Variants in MB21D2 observed in about 807,000 individuals in gnomAD.
The protein encoded by MB21D2 is nucleotidyltransferase MB21D2.
A neutral mutation model predicts 33.3 loss-of-function variants in MB21D2; 9 were observed. The observed-to-expected ratio is 0.27, with a 90% CI of 0.16 to 0.47. The LOEUF (loss-of-function observed/expected upper bound fraction) is 0.47, where lower values mean the gene tolerates loss of function less well. MB21D2 is among the 20% of genes least tolerant of loss of function. MB21D2 has a pLI of 0.99. For synonymous variants in MB21D2, 241 were observed against 236.3 expected, an observed-to-expected ratio of 1.02 and a Z score of -0.18; for missense variants, 540 against 624.6, an observed-to-expected ratio of 0.86 and a Z score of 1.44.
chr3:192,838,459 C>T (rs1712493393), intron 1 of MB21D2, among the ~76,000 whole-genome samples: 1 of 145,122 alleles, frequency 6.9e-6, no homozygotes, highest in Admixed American at 6.9e-5. Context: ...GATGGAGTCT[C>T]GCTCTGTCAC....
At chr3:192,844,375 T>C (rs992721327) in intron 1 of MB21D2, among the ~76,000 whole-genome samples, 10 of 152,218 alleles carry the variant, frequency 6.6e-5, no homozygotes, top group African/African-American at 2.2e-4. Flanking sequence ...TGTCATGAGA[T>C]GGATGCTCCC....
intron 1 of MB21D2, among the ~76,000 whole-genome samples, chr3:192,812,617 C>T (rs913526844): frequency 6.6e-6 from 1 of 152,146 alleles, no homozygotes; most frequent in African/African-American, 2.4e-5. Context: ...GCAAGGGACT[C>T]ATATCACATT....
At chr3:192,814,154 G>A (rs374582379) in intron 1 of MB21D2, among the ~76,000 whole-genome samples, 1 of 152,096 alleles carries the variant, frequency 6.6e-6, no homozygotes, top group East Asian at 1.9e-4. Context: ...GAAAAATAAT[G>A]ATATGTTAAT....
At chr3:192,825,978 G>T (rs968324346) in intron 1 of MB21D2, among the ~76,000 whole-genome samples, 1 of 152,172 alleles carries the variant, frequency 6.6e-6, no homozygotes, top group African/African-American at 2.4e-5. Context: ...CCTACACAAG[G>T]GGAATGTGGT....
At position 192,798,157 on chromosome 3, in the gene MB21D2, A is replaced by T; in HGVS notation, c.*229T>A. On this transcript the variant is annotated 3_prime_UTR_variant, in exon 2 of 2. Coordinates refer to ENST00000392452, the MANE Select transcript of MB21D2 (RefSeq NM_178496.4). The surrounding 1 kb of genome is among the most constrained non-coding windows in gnomAD (Gnocchi z 4.8). ...AAGAAAAAAAACTCCAACAAACTAA[A>T]GAGCATGACAATAACTACAAAAAGT... 2 of 476,164 alleles carry T rather than the reference A, an allele frequency of 4.2e-6. No individual in the cohort carries two copies. The highest frequency in any genetic ancestry group is 7.8e-5 in the South Asian group (2 of 25,694). The allele number at this position is 476,164 out of a possible 1,614,324, so 29.5% of individuals were successfully genotyped here. A position where few individuals can be genotyped will look rare whatever the true frequency, so the allele number is the denominator to read the frequency against.
chr3:192,897,987 G>A (rs1416029163), intron 1 of MB21D2, among the ~76,000 whole-genome samples: 2 of 151,718 alleles, frequency 1.3e-5, no homozygotes, highest in African/African-American at 4.8e-5. Flanking sequence ...AAAAATAAAG[G>A]ACCAATACTA....
intron 1 of MB21D2, among the ~76,000 whole-genome samples, chr3:192,897,833 A>T (rs924017365): frequency 1.4e-4 from 22 of 152,184 alleles, no homozygotes; most frequent in African/African-American, 5.3e-4. Context: ...CTCTACTAAA[A>T]ATACAAAAAT....
chr3:192,900,156 C>T (rs1350144906), intron 1 of MB21D2, among the ~76,000 whole-genome samples: 10 of 151,730 alleles, frequency 6.6e-5, no homozygotes, highest in East Asian at 5.9e-4. Context: ...TCGTGGCGGG[C>T]GCCTGTAGTC....
intron 1 of MB21D2, among the ~76,000 whole-genome samples, chr3:192,868,039 G>A (rs1713206520): frequency 6.6e-6 from 1 of 152,154 alleles, no homozygotes; most frequent in African/African-American, 2.4e-5. Flanking sequence ...TACCCTGTCT[G>A]AATTTCTGAC....
chr3:192,874,268 G>C (rs1054474332), intron 1 of MB21D2, among the ~76,000 whole-genome samples: 3 of 152,108 alleles, frequency 2.0e-5, no homozygotes, highest in African/African-American at 7.2e-5. Context: ...TTGTACCTCA[G>C]TAAAAAAGAA....
At chr3:192,811,277 T>C (rs141839839) in intron 1 of MB21D2, among the ~76,000 whole-genome samples, 67 of 152,346 alleles carry the variant, frequency 4.4e-4, no homozygotes, top group African/African-American at 1.5e-3. Flanking sequence ...TCTGTCTCAA[T>C]TGCTGTATTC....
At chr3:192,871,795 G>A (rs979284961) in intron 1 of MB21D2, among the ~76,000 whole-genome samples, 2 of 152,030 alleles carry the variant, frequency 1.3e-5, no homozygotes, top group Non-Finnish European at 2.9e-5. Flanking sequence ...GACATGATGG[G>A]GATGACAGAG....
chr3:192,802,122 G>A lies in MB21D2; in HGVS notation c.212-2472C>T, dbSNP rs148466378. On this transcript the variant is annotated intron_variant, in intron 1 of 1. Transcript: ENST00000392452. ...CCTTAAGGATTGTCTCAGCTGCAAA[G>A]GGCTGTCTTAGCCAGGTCAGGTCCT... 8.5e-3 allele frequency among the ~76,000 whole-genome samples: 1,297 copies of A among 152,294 alleles called. 28 individuals carry two copies. The highest frequency in any genetic ancestry group is 0.028 in the African/African-American group (1,171 of 41,556).
intron 1 of MB21D2, among the ~76,000 whole-genome samples, chr3:192,866,199 C>T (rs1329949134): frequency 6.6e-6 from 1 of 152,178 alleles, no homozygotes; most frequent in Non-Finnish European, 1.5e-5. Flanking sequence ...TTGTTCATCT[C>T]TAAGGCTCAG....
intron 1 of MB21D2, 109 bp downstream of exon 1, chr3:192,917,521 C>A: frequency 8.4e-7 from 1 of 1,190,012 alleles, no homozygotes; most frequent in Non-Finnish European, 1.2e-6. Context: ...GGCACCGGCT[C>A]GGGAAGGCAA....
intron 1 of MB21D2, among the ~76,000 whole-genome samples, chr3:192,872,349 G>A (rs190317665): frequency 1.5e-3 from 225 of 152,182 alleles, no homozygotes; most frequent in South Asian, 0.015. Flanking sequence ...GGCCGAGGCG[G>A]GCAGATCACG....
At chr3:192,829,605 T>G (rs772712807) in intron 1 of MB21D2, among the ~76,000 whole-genome samples, 1 of 152,204 alleles carries the variant, frequency 6.6e-6, no homozygotes, top group Non-Finnish European at 1.5e-5. Context: ...TCTGTTTATG[T>G]TTATGTTTGT....
intron 1 of MB21D2, among the ~76,000 whole-genome samples, chr3:192,905,596 C>T (rs1223293348): frequency 1.4e-5 from 2 of 138,158 alleles, no homozygotes; most frequent in South Asian, 2.3e-4. Context: ...GAGATCAAGA[C>T]ATTGCACTCC....
intron 1 of MB21D2, among the ~76,000 whole-genome samples, chr3:192,847,931 AT>A (rs1712708759): frequency 6.6e-6 from 1 of 152,348 alleles, no homozygotes; most frequent in East Asian, 1.9e-4. Flanking sequence ...ACAGAATTCA[AT>A]TTGGGCTTAA....
Sources: allele counts gnomAD v4.1 joint callset (sites outside exome capture counted in the v4.1 genomes callset), GRCh38; gene constraint gnomAD v4.1.1; non-coding constraint Gnocchi (gnomAD v3.1); transcripts MANE v1.5; gene names NCBI Gene and HGNC (gene_info 2026-07-23, HGNC 2026-07-21).